PARM1: variants seen among roughly 807,000 people sequenced by gnomAD.
PARM1 encodes the protein prostate androgen-regulated mucin-like protein 1, also known as WSC4, cell wall integrity and stress response component 4 homolog.
PARM1 carries 14 observed loss-of-function variants against 24.6 expected under a neutral mutation model. The ratio of observed to expected loss-of-function variants is 0.57; its 90% CI spans 0.38 to 0.89. The LOEUF is 0.89. Ranked by LOEUF, PARM1 falls within the 40% of genes least tolerant of loss-of-function variation. PARM1 has a pLI of 0.00. For synonymous variants in PARM1, 179 were observed against 156.6 expected (o/e 1.14, Z -1.07); for missense variants, 362 against 380.4 (o/e 0.95, Z 0.40).
chr4:75,020,009 CAAAAAAAA>C (rs1161399344), intron 2 of PARM1, among the ~76,000 whole-genome samples: 8 of 31,100 alleles, frequency 2.6e-4, no homozygotes, highest in East Asian at 5.2e-3. Context: ...GACTCCGTCT[CAAAAAAAA>C]AAAAAAAAAA....
intron 1 of PARM1, among the ~76,000 whole-genome samples, chr4:74,943,833 A>C (rs1009856145): frequency 4.6e-5 from 7 of 152,264 alleles, no homozygotes; most frequent in African/African-American, 1.7e-4. Flanking sequence ...GTTAAGTCTG[A>C]GAAATTTAAG....
intron 1 of PARM1, among the ~76,000 whole-genome samples, chr4:74,989,214 G>A (rs1467562262): frequency 6.6e-6 from 1 of 152,076 alleles, no homozygotes; most frequent in Admixed American, 6.5e-5. Context: ...TCTACCTGAA[G>A]ATAGTGTCAG....
rs115604318 is a variant in PARM1 at position 75,010,642 on chromosome 4, C to T, written c.44-1783C>T. Among the ~76,000 whole-genome samples, 1,432 of 152,194 alleles carry T rather than the reference C, an allele frequency of 9.4e-3. 19 individuals are homozygous for T. Among genetic ancestry groups the T allele is most frequent in the African/African-American group, 0.032 (1,341 of 41,506 alleles). ...AGAGGTGACACAATCAAAGTGATGACGAGAACATGAGATTACATAGGGAAG... is the reference window on the plus strand; with the variant it reads ...AGAGGTGACACAATCAAAGTGATGATGAGAACATGAGATTACATAGGGAAG... On this transcript the variant is annotated intron_variant, in intron 1 of 3. Transcript: ENST00000307428.
At chr4:74,989,275 G>C (rs1384633766) in intron 1 of PARM1, among the ~76,000 whole-genome samples, 3 of 152,136 alleles carry the variant, frequency 2.0e-5, no homozygotes, top group Non-Finnish European at 1.5e-5. Context: ...ACTTCAGACA[G>C]CAATCCCAGG....
At chr4:74,980,464 G>A (rs572819697) in intron 1 of PARM1, among the ~76,000 whole-genome samples, 9 of 151,800 alleles carry the variant, frequency 5.9e-5, no homozygotes, top group Non-Finnish European at 1.2e-4. Context: ...AGGAAATTAG[G>A]ACACAAACAA....
chr4:74,965,854 A>T (rs1049455498), intron 1 of PARM1, among the ~76,000 whole-genome samples: 1 of 152,200 alleles, frequency 6.6e-6, no homozygotes. Flanking sequence ...ACCAGAGTAG[A>T]CTCAGAAAAC....
At chr4:74,965,711 A>G (rs1420752963) in intron 1 of PARM1, among the ~76,000 whole-genome samples, 1 of 152,196 alleles carries the variant, frequency 6.6e-6, no homozygotes, top group Non-Finnish European at 1.5e-5. Flanking sequence ...TTTTCAAAAA[A>G]TCATGGCCCA....
intron 1 of PARM1, among the ~76,000 whole-genome samples, chr4:75,001,028 A>G (rs1185892037): frequency 2.0e-5 from 3 of 152,182 alleles, no homozygotes; most frequent in African/African-American, 7.2e-5. Context: ...TTGGGATGTT[A>G]TTTAACCTCT....
intron 1 of PARM1, among the ~76,000 whole-genome samples, chr4:74,974,060 ATTTAGT>A (rs1448891191): frequency 6.6e-6 from 1 of 152,128 alleles, no homozygotes; most frequent in Non-Finnish European, 1.5e-5. Flanking sequence ...TGACGGTGTG[ATTTAGT>A]TTAAGGACCA....
intron 1 of PARM1, among the ~76,000 whole-genome samples, chr4:74,936,439 TTTTTTTTTTGTTTG>T (rs1318174697): frequency 1.0e-3 from 7 of 6,876 alleles, no homozygotes; most frequent in South Asian, 0.013. Flanking sequence ...CATTCAAGTG[TTTTTTTTTTGTTTG>T]TTTTTTTGTT....
At chr4:75,016,152 G>A (rs1238801895) in intron 2 of PARM1, among the ~76,000 whole-genome samples, 1 of 152,204 alleles carries the variant, frequency 6.6e-6, no homozygotes, top group African/African-American at 2.4e-5. Context: ...ATGATGGAGA[G>A]AGCAGGGAGC....
chr4:74,935,456 G>GA (rs1250201467), intron 1 of PARM1, among the ~76,000 whole-genome samples: 4 of 152,140 alleles, frequency 2.6e-5, no homozygotes, highest in Admixed American at 2.0e-4. Flanking sequence ...CATTTTTAAA[G>GA]AAAAAAATAG....
Position 75,012,705 on chromosome 4 carries a change from G to A in PARM1, c.324G>A (p.Gly108=), listed in dbSNP as rs887247060. 10 of 1,613,838 alleles carry A rather than the reference G, an allele frequency of 6.2e-6. No homozygotes were observed. Among genetic ancestry groups the A allele is most frequent in the Middle Eastern group, 1.6e-4 (1 of 6,084 alleles). Residue 108 remains glycine (G), a synonymous_variant, in exon 2 of 4, where the codon GGG becomes GGA. Coordinates refer to ENST00000307428, the MANE Select transcript of PARM1 (RefSeq NM_015393.4). Reference sequence around the variant, plus strand: ...CAAACACAGACCCCTCACCTTCTGGGTTCTCGTCAACAAGCGGTGGAGTCC... The same window carrying A: ...CAAACACAGACCCCTCACCTTCTGGATTCTCGTCAACAAGCGGTGGAGTCC... The part of the protein sequence containing the change: ...EGTNTDPSPS[G]FSSTSGGVHL...
intron 1 of PARM1, among the ~76,000 whole-genome samples, chr4:74,942,626 A>G (rs1721331944): frequency 1.3e-5 from 2 of 152,172 alleles, no homozygotes; most frequent in Non-Finnish European, 2.9e-5. Context: ...CCCAACCTTC[A>G]AGAAAGTCTG....
chr4:74,996,387 A>T (rs1722577053), intron 1 of PARM1, among the ~76,000 whole-genome samples: 1 of 152,226 alleles, frequency 6.6e-6, no homozygotes, highest in African/African-American at 2.4e-5. Flanking sequence ...GTTTGACAGG[A>T]CATAGAAAAG....
chr4:74,940,197 A>G (rs1398870655), intron 1 of PARM1, among the ~76,000 whole-genome samples: 1 of 152,224 alleles, frequency 6.6e-6, no homozygotes, highest in African/African-American at 2.4e-5. Context: ...GGGGTAGTAC[A>G]CAAGCGTAAC....
chr4:74,986,342 A>G (rs955560682), intron 1 of PARM1, among the ~76,000 whole-genome samples: 2 of 152,200 alleles, frequency 1.3e-5, no homozygotes, highest in East Asian at 3.8e-4. Flanking sequence ...GCCTAATTAT[A>G]CTCAAAGTGC....
At chr4:74,936,547 G>A (rs914285209) in intron 1 of PARM1, among the ~76,000 whole-genome samples, 8 of 150,130 alleles carry the variant, frequency 5.3e-5, no homozygotes, top group Non-Finnish European at 1.0e-4. Context: ...TCCGCCTCCC[G>A]GGTTCACGCC....
intron 1 of PARM1, among the ~76,000 whole-genome samples, chr4:75,007,170 A>G (rs1365653164): frequency 6.6e-6 from 1 of 152,214 alleles, no homozygotes; most frequent in Admixed American, 6.5e-5. Flanking sequence ...CAAAACCACA[A>G]TGAGATACCA....
Sources: allele counts gnomAD v4.1 joint callset (sites outside exome capture counted in the v4.1 genomes callset), GRCh38; gene constraint gnomAD v4.1.1; transcripts MANE v1.5; gene names NCBI Gene and HGNC (gene_info 2026-07-23, HGNC 2026-07-21).